The following USP30 variants were observed in gnomAD, a reference collection of about 807,000 sequenced individuals.
The protein encoded by USP30 is ubiquitin specific peptidase 30.
In USP30, 41 loss-of-function variants were observed where a neutral mutation model predicts 68.2. The ratio of observed to expected loss-of-function variants is 0.60; its 90% CI spans 0.47 to 0.78. The LOEUF is 0.78. USP30 is among the 30% of genes least tolerant of loss of function. USP30 has a pLI of 0.00. For synonymous variants in USP30, 229 were observed against 253.7 expected, an observed-to-expected ratio of 0.90 and a Z score of 0.93; for missense variants, 522 against 649.4, an observed-to-expected ratio of 0.80 and a Z score of 2.13.
intron 1 of USP30, 137 bp downstream of exon 1, chr12:109,052,898 G>T: frequency 1.1e-6 from 1 of 909,548 alleles, no homozygotes; most frequent in Non-Finnish European, 1.5e-6. Context: ...CGTCCTTTAG[G>T]GTTGGAGGCC....
At chr12:109,052,844 A>C (rs962833060) in intron 1 of USP30, 83 bp downstream of exon 1, 2 of 1,320,772 alleles carry the variant, frequency 1.5e-6, no homozygotes, top group African/African-American at 1.5e-5. Flanking sequence ...TTCATGCCCT[A>C]GTTGGGGTCT....
chr12:109,079,622 T>C (rs1214518874), intron 7 of USP30, among the ~76,000 whole-genome samples: 1 of 152,072 alleles, frequency 6.6e-6, no homozygotes, highest in Non-Finnish European at 1.5e-5. Flanking sequence ...CACTTCAGCC[T>C]CCCAAAGTGT....
At chr12:109,085,435 CAT>C (rs1255167762) in intron 12 of USP30, among the ~76,000 whole-genome samples, 3 of 152,036 alleles carry the variant, frequency 2.0e-5, no homozygotes, top group Middle Eastern at 3.4e-3. Context: ...TACATAAACA[CAT>C]ACACTCATTG....
At chr12:109,083,158 C>T (rs541982725) in intron 11 of USP30, 96 bp downstream of exon 11, 2 of 1,259,122 alleles carry the variant, frequency 1.6e-6, no homozygotes, top group Non-Finnish European at 2.2e-6. Context: ...GACAGGAGCA[C>T]AAGGCTTGTA....
rs183752368 is a variant in USP30, at chr12:109,027,229, C to G, written c.-227-236C>G. On this transcript the variant is annotated intron_variant, in intron 2 of 15. Transcript: ENST00000392784. ...AAACTCTACCCATTGAGTAATAACT[C>G]CCTGTTCCTCCCTCCTCCCAGCCTC... is the stretch of plus-strand genomic sequence containing the variant. Among the ~76,000 whole-genome samples the G allele has an allele frequency of 2.5e-3, 384 of 152,304 alleles. 5 individuals are homozygous for G. The highest frequency in any genetic ancestry group is 0.021 in the South Asian group (100 of 4,820).
At chr12:109,071,571 C>T in intron 4 of USP30, 41 bp from the exon 5 acceptor site, 4 of 1,572,872 alleles carry the variant, frequency 2.5e-6, no homozygotes, top group Non-Finnish European at 3.5e-6. Flanking sequence ...CTTGCTCTTG[C>T]CTCTTCCAAC....
At chr12:109,080,311 C>T (rs1287533814) in intron 7 of USP30, among the ~76,000 whole-genome samples, 1 of 152,154 alleles carries the variant, frequency 6.6e-6, no homozygotes, top group African/African-American at 2.4e-5. Context: ...CCACATCAAC[C>T]AGGAAAAAAA....
rs761394592 is a variant in USP30 at position 109,085,910 on chromosome 12, G to C, written c.1533G>C (p.Gln511His). The C allele has an allele frequency of 5.6e-6, 9 of 1,613,974 alleles. No individual in the cohort carries two copies. In the South Asian group the frequency reaches 7.7e-5, roughly 14 times the overall value. ...TTTCCAGGATGCAGCACCAGAGCCA[G>C]GAGTGCAAGTCTGAAGAATGACTGT... ...RVLSRMQHQS[Q>H]ECKSEE Residue 511 changes from glutamine (Q) to histidine (H), a missense_variant, in exon 13 of 13, where the codon CAG (glutamine) becomes CAC (histidine). Gln to His is a conservative substitution (Grantham distance 24, BLOSUM62 0). Transcript: ENST00000257548.
intron 3 of USP30, among the ~76,000 whole-genome samples, chr12:109,034,815 T>C (rs573680562): frequency 1.3e-5 from 2 of 152,336 alleles, no homozygotes; most frequent in South Asian, 4.1e-4. Flanking sequence ...GTTAAGTGCA[T>C]GTATGATTAC....
intron 3 of USP30, 57 bp downstream of exon 3, chr12:109,058,165 C>T (rs1292344710): frequency 2.0e-6 from 3 of 1,510,882 alleles, no homozygotes; most frequent in Non-Finnish European, 2.7e-6. Flanking sequence ...GTCCAGATGA[C>T]AGAGACTCTT....
rs1347816641 is a variant in USP30 at position 109,075,357 on chromosome 12, CTT to C, written c.720+1833_720+1834del. Among the ~76,000 whole-genome samples, 5 of 151,522 alleles carry C rather than the reference CTT, an allele frequency of 3.3e-5. 1 individual carries two copies. Among genetic ancestry groups the C allele is most frequent in the Non-Finnish European group, 7.4e-5 (5 of 67,918 alleles). ...CTCGGCAACACTTGTTACGTGCTGT[CTT>C]TTTTTTTCAGACAGAGTCTCGCTCT... On this transcript the variant is annotated intron_variant, in intron 7 of 12. Transcript: ENST00000257548.
intron 7 of USP30, among the ~76,000 whole-genome samples, chr12:109,078,107 G>A (rs1462794517): frequency 6.6e-6 from 1 of 152,094 alleles, no homozygotes; most frequent in East Asian, 1.9e-4. Context: ...ACTTTTTGAG[G>A]AACCTCCTCC....
chr12:109,082,072 A>G lies in USP30; in HGVS notation c.867+53A>G, dbSNP rs1593296120. 1.9e-6 allele frequency: 3 copies of G among 1,575,976 alleles called. No individual in the cohort carries two copies. The East Asian group carries it at 6.7e-5, about 35-fold the overall frequency. ...CCAGCTGGCCTGTGTGTGCTGATGT[A>G]GCGCCTCTCACACCAGTGACCCTGA... On this transcript the variant is annotated intron_variant, in intron 9 of 12. Coordinates refer to ENST00000257548, the MANE Select transcript of USP30 (RefSeq NM_032663.5).
chr12:109,072,236 G>A lies in USP30; in HGVS notation c.580-69G>A. The A allele has an allele frequency of 5.1e-6, 7 of 1,363,468 alleles. No individual in the cohort carries two copies. In the Admixed American group the frequency reaches 8.7e-5, roughly 17 times the overall value. The allele number at this position is 1,363,468 out of a possible 1,614,324, so 84.5% of individuals were successfully genotyped here. A position where few individuals can be genotyped will look rare whatever the true frequency, so the allele number is the denominator to read the frequency against. On this transcript the variant is annotated intron_variant, in intron 5 of 12. Transcript: ENST00000257548. ...ACGTAGAAACTTGTAAGGTTTAGGG[G>A]TGGGGTGAGGGTGGTGAAAGGGATT...
At chr12:109,023,936 A>G (rs1313047715) in intron 1 of USP30, among the ~76,000 whole-genome samples, 1 of 151,886 alleles carries the variant, frequency 6.6e-6, no homozygotes, top group Admixed American at 6.6e-5. Context: ...CGACTGGCCA[A>G]TCAGTATTTT....
intron 7 of USP30, among the ~76,000 whole-genome samples, chr12:109,076,954 G>A (rs904399548): frequency 4.6e-5 from 7 of 151,878 alleles, no homozygotes; most frequent in African/African-American, 1.7e-4. Flanking sequence ...GGATGGTCTC[G>A]ATCTCCTGAC....
chr12:109,025,063 CAG>C (rs2040434750), exon 2 of USP30: 2 of 152,196 alleles, frequency 1.3e-5, no homozygotes, highest in African/African-American at 4.8e-5. Context: ...AGAACAGAAA[CAG>C]AGGAAAGGTG....
chr12:109,032,132 AC>A (rs2040487004), intron 3 of USP30, among the ~76,000 whole-genome samples: 1 of 148,812 alleles, frequency 6.7e-6, no homozygotes, highest in Non-Finnish European at 1.5e-5. Flanking sequence ...ACATGGTGAA[AC>A]CCGTCTCTAC....
rs371753407 is a variant in USP30 at position 109,081,910 on chromosome 12, A to C, written c.781-23A>C. ...TATAGCTGTCCTTTGAATTGTAGTA[A>C]TTTTCTTCTTCTCATGCTGTAGGGT... On this transcript the variant is annotated intron_variant, in intron 8 of 12. Transcript: ENST00000257548. 1,104 of 1,609,700 alleles carry C rather than the reference A, an allele frequency of 6.9e-4. 2 individuals carry two copies. Among genetic ancestry groups the C allele is most frequent in the Middle Eastern group, 1.5e-3 (9 of 6,058 alleles).
Sources: allele counts gnomAD v4.1 joint callset (sites outside exome capture counted in the v4.1 genomes callset), GRCh38; gene constraint gnomAD v4.1.1; transcripts MANE v1.5; gene names NCBI Gene and HGNC (gene_info 2026-07-23, HGNC 2026-07-21).